The following TLCD4 variants were observed in gnomAD, a reference collection of about 807,000 sequenced individuals.
TLCD4 encodes TLC domain-containing protein 4.
Under a neutral mutation model 24.2 loss-of-function variants are expected in TLCD4, and 7 were observed. That is an observed-to-expected ratio of 0.29 (90% CI 0.16 to 0.54). The LOEUF is 0.54. TLCD4 is among the 20% of genes least tolerant of loss of function. The pLI is 0.95. For synonymous variants in TLCD4, 103 were observed against 106.4 expected, an observed-to-expected ratio of 0.97 and a Z score of 0.20; for missense variants, 259 against 313.9, an observed-to-expected ratio of 0.82 and a Z score of 1.32.
rs1040444716 is a variant in TLCD4 at position 95,166,839 on chromosome 1, C to T, written c.400-6977C>T. ...TAACTCCTGAGCTCAAGTGATCCTC[C>T]TGCCTCAGCCTCCTGAGTAGCTGGG... On this transcript the variant is annotated intron_variant, in intron 5 of 6. Transcript: ENST00000370203. 5.0e-4 allele frequency among the ~76,000 whole-genome samples: 76 copies of T among 152,104 alleles called. 2 individuals carry two copies. Among genetic ancestry groups the T allele is most frequent in the Non-Finnish European group, 2.9e-5 (2 of 68,014 alleles).
chr1:95,181,580 A>ATTTGT (rs1553172742), intron 6 of TLCD4, among the ~76,000 whole-genome samples: 3 of 146,012 alleles, frequency 2.1e-5, no homozygotes, highest in African/African-American at 7.5e-5. Flanking sequence ...AATTTGTTTA[A>ATTTGT]TTATTTATTT....
chr1:95,186,276 G>A (rs1678827909), intron 6 of TLCD4, among the ~76,000 whole-genome samples: 1 of 152,168 alleles, frequency 6.6e-6, no homozygotes, highest in African/African-American at 2.4e-5. Context: ...GCAGAACCAG[G>A]CTTTCAACCC....
At chr1:95,120,698 C>T (rs77281023) in intron 1 of TLCD4, among the ~76,000 whole-genome samples, 5,281 of 152,254 alleles carry the variant, frequency 0.035, 99 homozygotes, top group African/African-American at 0.05. Flanking sequence ...GGTGGACAAA[C>T]GCTTGTCTAA....
At chr1:95,137,655 C>T (rs1677083945) in intron 1 of TLCD4, among the ~76,000 whole-genome samples, 1 of 151,428 alleles carries the variant, frequency 6.6e-6, no homozygotes. Context: ...CCCTTCTTCC[C>T]CTCATCCCCT....
chr1:95,170,222 G>GAA (rs1306183938), intron 5 of TLCD4, among the ~76,000 whole-genome samples: 7 of 151,482 alleles, frequency 4.6e-5, no homozygotes, highest in Non-Finnish European at 1.0e-4. Context: ...ATGAATGAGA[G>GAA]AAATTATCCT....
the TLCD4 span, among the ~76,000 whole-genome samples, chr1:95,110,960 T>C: frequency 6.7e-6 from 1 of 148,906 alleles, no homozygotes; most frequent in Non-Finnish European, 1.5e-5. Context: ...TCTAAAAATA[T>C]CCATAACATT....
chr1:95,093,955 C>T, the TLCD4 span, among the ~76,000 whole-genome samples: 1 of 152,152 alleles, frequency 6.6e-6, no homozygotes, highest in Non-Finnish European at 1.5e-5. Context: ...CTGTTTTTCT[C>T]ATTAAGAGAT....
At chr1:95,095,551 C>T in the TLCD4 span, among the ~76,000 whole-genome samples, 1 of 152,078 alleles carries the variant, frequency 6.6e-6, no homozygotes, top group East Asian at 1.9e-4. Context: ...GTGCCTGCCA[C>T]CAAGCCCAGC....
upstream of TLCD4, among the ~76,000 whole-genome samples, chr1:95,116,137 G>T (rs576970066): frequency 2.5e-4 from 38 of 152,246 alleles, no homozygotes; most frequent in African/African-American, 8.9e-4. Flanking sequence ...TGCAGGGCAG[G>T]TTTCTGTCCC....
chr1:95,103,773 G>A, the TLCD4 span, among the ~76,000 whole-genome samples: 8 of 152,130 alleles, frequency 5.3e-5, no homozygotes, highest in African/African-American at 1.4e-4. Flanking sequence ...TGTCTTGTAC[G>A]ACTAGCAATC....
intron 5 of TLCD4, among the ~76,000 whole-genome samples, chr1:95,160,533 C>T (rs1677759602): frequency 6.6e-6 from 1 of 152,182 alleles, no homozygotes; most frequent in African/African-American, 2.4e-5. Context: ...GCCAGAACTT[C>T]CAATACTATG....
intron 5 of TLCD4, among the ~76,000 whole-genome samples, chr1:95,153,199 G>T (rs965561647): frequency 1.3e-5 from 2 of 151,886 alleles, no homozygotes; most frequent in Non-Finnish European, 2.9e-5. Context: ...TTGGGAATAT[G>T]GAAAGTTCTG....
At chr1:95,102,506 T>C in the TLCD4 span, among the ~76,000 whole-genome samples, 1 of 152,080 alleles carries the variant, frequency 6.6e-6, no homozygotes, top group South Asian at 2.1e-4. Context: ...AAGAAGAGTA[T>C]GGAAAGGAGG....
At chr1:95,170,470 T>C (rs368696317) in intron 5 of TLCD4, among the ~76,000 whole-genome samples, 44 of 151,844 alleles carry the variant, frequency 2.9e-4, no homozygotes, top group Admixed American at 2.7e-3. Context: ...GCTGGGACTA[T>C]AGGCACCCGC....
intron 1 of TLCD4, among the ~76,000 whole-genome samples, chr1:95,143,387 G>C (rs1677258058): frequency 6.6e-6 from 1 of 151,964 alleles, no homozygotes; most frequent in East Asian, 1.9e-4. Flanking sequence ...TGTTTGTCCT[G>C]CTCCAAAATT....
chr1:95,101,914 A>G, the TLCD4 span, among the ~76,000 whole-genome samples: 1 of 152,216 alleles, frequency 6.6e-6, no homozygotes, highest in Admixed American at 6.5e-5. Flanking sequence ...GAGAATGACT[A>G]GTAGTTGGAT....
intron 5 of TLCD4, among the ~76,000 whole-genome samples, chr1:95,154,454 G>A (rs1677577324): frequency 6.6e-6 from 1 of 152,128 alleles, no homozygotes; most frequent in Non-Finnish European, 1.5e-5. Context: ...ATTACCTATA[G>A]TAAAGAGAAC....
intron 4 of TLCD4, 44 bp from the exon 5 acceptor site, chr1:95,151,281 A>T: frequency 6.3e-7 from 1 of 1,596,320 alleles, no homozygotes. Context: ...AAACAGTGCA[A>T]CTTTCTTCTT....
intron 5 of TLCD4, among the ~76,000 whole-genome samples, chr1:95,172,883 T>C (rs1213552557): frequency 6.6e-6 from 1 of 152,178 alleles, no homozygotes; most frequent in Non-Finnish European, 1.5e-5. Context: ...TCTGATTTAA[T>C]TGGAAGTGCT....
Sources: gnomAD v4.1 joint callset for allele counts (sites outside exome capture counted in the v4.1 genomes callset) on GRCh38, gnomAD v4.1.1 for gene constraint, MANE v1.5 for transcripts, NCBI Gene and HGNC (gene_info 2026-07-23, HGNC 2026-07-21) for gene names.